The following NRG1 variants were observed in gnomAD, a reference collection of about 807,000 sequenced individuals.
The protein encoded by NRG1 is pro-neuregulin-1, membrane-bound isoform.
NRG1 carries 18 observed loss-of-function variants against 63.8 expected under a neutral mutation model. That is an observed-to-expected ratio of 0.28 (90% CI 0.19 to 0.42). NRG1 has a LOEUF of 0.42. NRG1 is among the 10% of genes least tolerant of loss of function. The probability of loss-of-function intolerance (pLI) is 1.00; values close to 1 mark genes in which losing one functional copy is unlikely to be tolerated. For missense variants in NRG1, 762 were observed against 814.7 expected, an observed-to-expected ratio of 0.94 and a Z score of 0.79; for synonymous variants, 302 against 301.3, an observed-to-expected ratio of 1.00 and a Z score of -0.02.
intron 1 of NRG1, among the ~76,000 whole-genome samples, chr8:31,852,619 T>A (rs1158497421): frequency 6.6e-6 from 1 of 151,142 alleles, no homozygotes; most frequent in Non-Finnish European, 1.5e-5. Flanking sequence ...TTTAATTAGA[T>A]CCCATTTGTC....
chr8:32,538,382 C>T (rs1053774967), intron 1 of NRG1, among the ~76,000 whole-genome samples: 62 of 152,234 alleles, frequency 4.1e-4, no homozygotes, highest in African/African-American at 1.4e-3. Context: ...AATTTATAGA[C>T]AAGAAATTGA....
intron 1 of NRG1, among the ~76,000 whole-genome samples, chr8:32,150,023 G>T (rs1837329030): frequency 6.6e-6 from 1 of 152,182 alleles, no homozygotes; most frequent in Non-Finnish European, 1.5e-5. Context: ...TATATGTATT[G>T]ATTGAATTTA....
intron 1 of NRG1, among the ~76,000 whole-genome samples, chr8:32,036,395 T>C (rs1377950603): frequency 1.3e-5 from 2 of 152,170 alleles, no homozygotes; most frequent in Non-Finnish European, 2.9e-5. Flanking sequence ...AAGAATCTAA[T>C]GACTATGTGT....
In NRG1 at chr8:32,549,186, G is replaced by A. The variant is rs555808180; in HGVS notation, c.100+360G>A. On this transcript the variant is annotated intron_variant, in intron 1 of 11. Transcript: ENST00000356819. ...CTATAGGAGTCGAGGCTGCGTGCGC[G>A]CGTGCCCCGCGCCATAAGCGCTTTG... Among the ~76,000 whole-genome samples, 43 of 152,332 alleles carry A rather than the reference G, an allele frequency of 2.8e-4. No homozygotes were observed. In the South Asian group the frequency reaches 8.7e-3, roughly 31 times the overall value.
At chr8:31,767,682 A>G (rs1436956009) in intron 1 of NRG1, among the ~76,000 whole-genome samples, 1 of 152,024 alleles carries the variant, frequency 6.6e-6, no homozygotes, top group Non-Finnish European at 1.5e-5. Flanking sequence ...TCTACTAAAA[A>G]TACAAAAATG....
At chr8:31,815,744 C>T (rs1823377759) in intron 1 of NRG1, among the ~76,000 whole-genome samples, 1 of 152,184 alleles carries the variant, frequency 6.6e-6, no homozygotes, top group Admixed American at 6.5e-5. Context: ...CGCATTCTCG[C>T]CAAAATTTGT....
At chr8:31,679,246 T>C (rs553122561) in intron 1 of NRG1, among the ~76,000 whole-genome samples, 3 of 152,272 alleles carry the variant, frequency 2.0e-5, no homozygotes, top group African/African-American at 4.8e-5. Flanking sequence ...TGTAAACATC[T>C]AGACACCCTA....
At chr8:32,039,842 G>A (rs1819655025) in intron 1 of NRG1, among the ~76,000 whole-genome samples, 1 of 151,282 alleles carries the variant, frequency 6.6e-6, no homozygotes, top group Non-Finnish European at 1.5e-5. Context: ...CATAAACCAA[G>A]ACCTTATCGC....
chr8:32,537,351 G>A (rs1370949050), intron 1 of NRG1, among the ~76,000 whole-genome samples: 1 of 152,050 alleles, frequency 6.6e-6, no homozygotes, highest in Non-Finnish European at 1.5e-5. Flanking sequence ...TCCAGAAAGG[G>A]ATGATAAGAG....
rs545838945 is a variant in NRG1 at position 32,559,245 on chromosome 8, T to TAAAAAAAAAAAAAAAAAAAAAAAAAA, written c.100+10437_100+10438insAAAAAAAAAAAAAAAAAAAAAAAAAA. Among the ~76,000 whole-genome samples the TAAAAAAAAAAAAAAAAAAAAAAAAAA allele has an allele frequency of 2.2e-4, 21 of 96,746 alleles. 2 individuals carry two copies. Among genetic ancestry groups the TAAAAAAAAAAAAAAAAAAAAAAAAAA allele is most frequent in the South Asian group, 1.4e-3 (3 of 2,094 alleles). 63.5% of individuals were successfully genotyped at this position (96,746 alleles called of 152,430 possible). A position where few individuals can be genotyped will look rare whatever the true frequency, so the allele number is the denominator to read the frequency against. ...TAGTATGTCATCTCACTCTAAAATG[T>TAAAAAAAAAAAAAAAAAAAAAAAAAA]AAAAAAAAAAAAAAAAAATCACTAC... On this transcript the variant is annotated intron_variant, in intron 1 of 11. Coordinates refer to ENST00000356819, the Ensembl canonical transcript of NRG1.
At chr8:32,578,094 A>C (rs2129530105) in intron 1 of NRG1, among the ~76,000 whole-genome samples, 1 of 152,150 alleles carries the variant, frequency 6.6e-6, no homozygotes, top group South Asian at 2.1e-4. Context: ...TCCCAGGTTC[A>C]AGCGATTCTC....
intron 1 of NRG1, among the ~76,000 whole-genome samples, chr8:32,380,815 T>C (rs918891062): frequency 2.6e-5 from 4 of 152,236 alleles, no homozygotes; most frequent in Non-Finnish European, 5.9e-5. Flanking sequence ...TTGGGGTACA[T>C]GTGATAATTT....
intron 1 of NRG1, among the ~76,000 whole-genome samples, chr8:32,499,293 C>G (rs1301456163): frequency 6.6e-6 from 1 of 152,130 alleles, no homozygotes; most frequent in African/African-American, 2.4e-5. Flanking sequence ...AGAGGCATTT[C>G]TATGAAAACA....
chr8:32,017,885 T>C (rs77410680), intron 1 of NRG1, among the ~76,000 whole-genome samples: 1,577 of 152,212 alleles, frequency 0.01, 29 homozygotes, highest in African/African-American at 0.036. Flanking sequence ...CCATTGGCTA[T>C]TGGTGAGCAA....
intron 1 of NRG1, among the ~76,000 whole-genome samples, chr8:32,373,235 G>C (rs1219771896): frequency 6.6e-6 from 1 of 152,074 alleles, no homozygotes; most frequent in Non-Finnish European, 1.5e-5. Context: ...ATCCATCAAA[G>C]GAACAAAACA....
chr8:32,231,809 G>A (rs1324702111), intron 1 of NRG1, among the ~76,000 whole-genome samples: 1 of 150,782 alleles, frequency 6.6e-6, no homozygotes, highest in African/African-American at 2.4e-5. Context: ...GGCTGAGACA[G>A]AATTGAATTC....
intron 1 of NRG1, among the ~76,000 whole-genome samples, chr8:32,276,525 A>C (rs1338214986): frequency 1.3e-5 from 2 of 152,062 alleles, no homozygotes; most frequent in Non-Finnish European, 2.9e-5. Flanking sequence ...TCTTTTTATG[A>C]GACAGGATCT....
At chr8:32,083,366 CA>C (rs1827766722) in intron 1 of NRG1, among the ~76,000 whole-genome samples, 1 of 152,134 alleles carries the variant, frequency 6.6e-6, no homozygotes, top group South Asian at 2.1e-4. Context: ...ACTTCGGTTA[CA>C]AATTTAAAGG....
At chr8:32,371,365 GGTCTTTGTACTGA>G (rs1288352193) in intron 1 of NRG1, among the ~76,000 whole-genome samples, 1 of 152,164 alleles carries the variant, frequency 6.6e-6, no homozygotes, top group Non-Finnish European at 1.5e-5. Flanking sequence ...GTGACTGCGT[GGTCTTTGTACTGA>G]GTTTTACATG....
Sources: gnomAD v4.1 joint callset for allele counts (sites outside exome capture counted in the v4.1 genomes callset) on GRCh38, gnomAD v4.1.1 for gene constraint, MANE v1.5 for transcripts, NCBI Gene and HGNC (gene_info 2026-07-23, HGNC 2026-07-21) for gene names.